INTS4: variants seen among roughly 807,000 people sequenced by gnomAD.
INTS4 encodes MSTP093.
A neutral mutation model predicts 119.5 loss-of-function variants in INTS4; 70 were observed. The ratio of observed to expected loss-of-function variants is 0.59; its 90% CI spans 0.48 to 0.71. The LOEUF (loss-of-function observed/expected upper bound fraction) is 0.71, where lower values mean the gene tolerates loss of function less well. Among genes scored for constraint, INTS4 ranks in the 30% least tolerant of loss-of-function variants. The pLI is 0.00. For synonymous variants in INTS4, 316 were observed against 419.6 expected (o/e 0.75, Z 3.02); for missense variants, 867 against 1,173.2 (o/e 0.74, Z 3.81).
chr11:77,954,576 G>C (rs543821712), intron 8 of INTS4, among the ~76,000 whole-genome samples: 2 of 152,318 alleles, frequency 1.3e-5, no homozygotes, highest in East Asian at 3.9e-4. Flanking sequence ...TCAGTTTCAT[G>C]GAAGAAACCA....
intron 4 of INTS4, among the ~76,000 whole-genome samples, chr11:77,966,156 T>C (rs1855495532): frequency 6.6e-6 from 1 of 152,230 alleles, no homozygotes; most frequent in Non-Finnish European, 1.5e-5. Flanking sequence ...GGTTTTGTTG[T>C]TGTTGTTGCT....
At chr11:77,993,549 A>T (rs1856781906) in intron 1 of INTS4, among the ~76,000 whole-genome samples, 2 of 152,222 alleles carry the variant, frequency 1.3e-5, no homozygotes, top group Admixed American at 6.5e-5. Flanking sequence ...AGGAAATCAC[A>T]TTGTGCAACA....
chr11:77,976,834 C>A (rs1855970761), intron 4 of INTS4, among the ~76,000 whole-genome samples: 1 of 152,088 alleles, frequency 6.6e-6, no homozygotes, highest in Non-Finnish European at 1.5e-5. Flanking sequence ...GGACAAAAAA[C>A]CAAACACCAC....
At chr11:77,946,668 G>A (rs1027980340) in intron 8 of INTS4, among the ~76,000 whole-genome samples, 1 of 151,868 alleles carries the variant, frequency 6.6e-6, no homozygotes, top group Non-Finnish European at 1.5e-5. Context: ...GGCTGAGGTG[G>A]GAGGATCACT....
downstream of INTS4, among the ~76,000 whole-genome samples, chr11:77,874,588 T>C (rs1294543185): frequency 6.6e-6 from 1 of 152,158 alleles, no homozygotes; most frequent in Non-Finnish European, 1.5e-5. Flanking sequence ...GTGCACATGG[T>C]TAACGATGGA....
At chr11:77,972,648 C>G (rs1855777619) in intron 4 of INTS4, among the ~76,000 whole-genome samples, 1 of 152,060 alleles carries the variant, frequency 6.6e-6, no homozygotes, top group African/African-American at 2.4e-5. Context: ...AACTCCTGAC[C>G]TCAAGTGATC....
intron 8 of INTS4, among the ~76,000 whole-genome samples, chr11:77,953,176 T>C (rs1954236400): frequency 6.6e-6 from 1 of 152,160 alleles, no homozygotes; most frequent in African/African-American, 2.4e-5. Context: ...TATCACCGGA[T>C]CAGTGTCCAG....
chr11:77,953,157 G>A (rs1412773990), intron 8 of INTS4, among the ~76,000 whole-genome samples: 1 of 152,124 alleles, frequency 6.6e-6, no homozygotes, highest in Non-Finnish European at 1.5e-5. Context: ...CTGGTCACAG[G>A]ACTAAAGCTA....
At chr11:77,955,504 T>C (rs938541120) in intron 8 of INTS4, among the ~76,000 whole-genome samples, 3 of 151,698 alleles carry the variant, frequency 2.0e-5, no homozygotes, top group Admixed American at 2.0e-4. Context: ...GCCTTTTTTT[T>C]TTTTTTTTGA....
At chr11:77,906,847 G>A (rs187426406) in intron 16 of INTS4, among the ~76,000 whole-genome samples, 26 of 152,248 alleles carry the variant, frequency 1.7e-4, no homozygotes, top group African/African-American at 4.8e-4. Flanking sequence ...ATAAAAGTTC[G>A]TCAAGTGAGA....
At chr11:77,903,506 G>T (rs1328138347) in intron 17 of INTS4, 34 bp downstream of exon 17, 2 of 1,609,574 alleles carry the variant, frequency 1.2e-6, no homozygotes, top group South Asian at 2.2e-5. Context: ...ACTGGACAGA[G>T]ACCTATTTGA....
At chr11:77,976,948 G>A (rs994910056) in intron 4 of INTS4, among the ~76,000 whole-genome samples, 1 of 151,960 alleles carries the variant, frequency 6.6e-6, no homozygotes, top group South Asian at 2.1e-4. Flanking sequence ...AGGGGGGAGG[G>A]ATAGCATTTG....
intron 21 of INTS4, among the ~76,000 whole-genome samples, chr11:77,884,204 A>C (rs556568452): frequency 8.1e-4 from 124 of 152,270 alleles, no homozygotes; most frequent in African/African-American, 2.8e-3. Context: ...ATTAAGCGCA[A>C]AGACAGGTAA....
chr11:77,874,640 A>G (rs983072420), downstream of INTS4, among the ~76,000 whole-genome samples: 1 of 152,178 alleles, frequency 6.6e-6, no homozygotes, highest in South Asian at 2.1e-4. Flanking sequence ...CCACATAACT[A>G]TACTTAGTCC....
At chr11:77,934,477 G>A (rs553127267) in intron 10 of INTS4, among the ~76,000 whole-genome samples, 1 of 152,152 alleles carries the variant, frequency 6.6e-6, no homozygotes, top group Non-Finnish European at 1.5e-5. Context: ...AAATCCCAGA[G>A]GGAAGAGACA....
intron 12 of INTS4, among the ~76,000 whole-genome samples, chr11:77,923,756 ATTGT>A (rs981813887): frequency 2.1e-5 from 3 of 144,538 alleles, no homozygotes; most frequent in African/African-American, 7.7e-5. Flanking sequence ...TATTTTTATT[ATTGT>A]TTATGGTTTT....
intron 21 of INTS4, among the ~76,000 whole-genome samples, chr11:77,886,505 A>G (rs1418369850): frequency 5.3e-5 from 8 of 152,246 alleles, no homozygotes; most frequent in African/African-American, 1.7e-4. Context: ...AAGAAATTCA[A>G]TGAAGCACGG....
At chr11:77,918,601 T>C (rs1487726659) in intron 15 of INTS4, among the ~76,000 whole-genome samples, 1 of 152,126 alleles carries the variant, frequency 6.6e-6, no homozygotes, top group Admixed American at 6.6e-5. Context: ...ACTATTTCTG[T>C]TGTGTACTAA....
intron 1 of INTS4, among the ~76,000 whole-genome samples, chr11:77,993,519 C>T (rs114489246): frequency 0.013 from 2,029 of 152,274 alleles, 46 homozygotes; most frequent in African/African-American, 0.047. Context: ...GAAATGGGAA[C>T]AACAGAATGT....
Sources: gnomAD v4.1 joint callset for allele counts (sites outside exome capture counted in the v4.1 genomes callset) on GRCh38, gnomAD v4.1.1 for gene constraint, MANE v1.5 for transcripts, NCBI Gene and HGNC (gene_info 2026-07-23, HGNC 2026-07-21) for gene names.